TRIP11: variants seen among roughly 807,000 people sequenced by gnomAD.
TRIP11 encodes the protein thyroid receptor-interacting protein 11.
TRIP11 carries 148 observed loss-of-function variants against 223.1 expected under a neutral mutation model. The observed-to-expected ratio is 0.66, with a 90% CI of 0.58 to 0.76. The LOEUF (loss-of-function observed/expected upper bound fraction) is 0.76, where lower values mean the gene tolerates loss of function less well. TRIP11 is among the 30% of genes least tolerant of loss of function. The pLI, the probability that TRIP11 is intolerant of heterozygous loss-of-function variation, is 0.00. For missense variants in TRIP11, 2,043 were observed against 2,222.0 expected, an observed-to-expected ratio of 0.92 and a Z score of 1.62; for synonymous variants, 762 against 772.6, an observed-to-expected ratio of 0.99 and a Z score of 0.23.
At chr14:92,019,971 A>T (rs943208178) in intron 4 of TRIP11, among the ~76,000 whole-genome samples, 1 of 152,192 alleles carries the variant, frequency 6.6e-6, no homozygotes, top group Admixed American at 6.5e-5. Flanking sequence ...TTATGAAAAT[A>T]TTCCAAAATC....
chr14:92,006,153 T>A lies in TRIP11; in HGVS notation c.1823A>T (p.Glu608Val). ...ATTTTGTCTAATATGCTCCTTAAGT[T>A]CTAAATTCTCCTTCTGGATGCTTAC... Reference protein sequence around the residue: ...SNVSIQKENLELKEHIRQNEE... With the variant: ...SNVSIQKENLVLKEHIRQNEE... Residue 608 changes from glutamate (E) to valine (V), a missense_variant, in exon 11 of 21, where the codon GAA becomes GTA. Physicochemically the swap from Glu to Val is moderately radical, Grantham distance 121. Transcript: ENST00000267622. The A allele has an allele frequency of 6.2e-7, 1 of 1,613,130 alleles. No homozygotes were observed.
At chr14:91,974,337 A>T (rs1177490391) in intron 19 of TRIP11, among the ~76,000 whole-genome samples, 8 of 152,202 alleles carry the variant, frequency 5.3e-5, no homozygotes, top group African/African-American at 1.4e-4. Flanking sequence ...TGCTACTATA[A>T]TTTAGTAGCA....
chr14:92,039,396 G>A, intron 1 of TRIP11, 151 bp downstream of exon 1: 1 of 776,046 alleles, frequency 1.3e-6, no homozygotes. Context: ...AAAATCTGTT[G>A]AGAAGAGGCA....
In TRIP11 at chr14:92,014,236, T is replaced by TA; in HGVS notation, c.1164_1165insT (p.Arg389Ter). 6.2e-7 allele frequency: 1 copy of TA among 1,614,078 alleles called. No individual in the cohort carries two copies. The highest frequency in any genetic ancestry group is 8.5e-7 in the Non-Finnish European group (1 of 1,179,994). ...ATACCAGACAGTGCTTGTTGTAGTC[T>TA]GAACACTTCTTCCACTGATGCACTC... On this transcript the variant is annotated frameshift_variant, in exon 7 of 21. Transcript: ENST00000267622. LOFTEE classifies it high-confidence loss of function.
intron 11 of TRIP11, among the ~76,000 whole-genome samples, chr14:92,001,376 G>GTT (rs34072505): frequency 2.6e-3 from 350 of 135,220 alleles, no homozygotes; most frequent in Admixed American, 4.4e-3. Context: ...TAGTTTTTCA[G>GTT]TTTTTTTTTT....
In TRIP11 at chr14:92,037,662, T is replaced by C. The variant is rs547868061; in HGVS notation, c.139+1885A>G. On this transcript the variant is annotated intron_variant, in intron 1 of 20. Transcript: ENST00000267622. This position sits in a 1 kb window ranked among gnomAD's most constrained non-coding sequence, Gnocchi z 4.2. ...GCCAAGGCAGGAGGATCACCTGCGG[T>C]CTCAGGAGTTCGAGATCAGCCTGGC... Among the ~76,000 whole-genome samples the C allele has an allele frequency of 1.8e-4, 28 of 152,192 alleles. No individual in the cohort carries two copies. Among genetic ancestry groups the C allele is most frequent in the African/African-American group, 6.5e-4 (27 of 41,514 alleles).
Position 92,021,864 on chromosome 14 carries a change from T to C in TRIP11, c.313-33A>G, listed in dbSNP as rs781337606. The C allele has an allele frequency of 3.1e-6, 5 of 1,605,906 alleles. No individual in the cohort carries two copies. The South Asian group carries it at 3.3e-5, about 11-fold the overall frequency. On this transcript the variant is annotated intron_variant, in intron 3 of 20. Coordinates refer to ENST00000267622, the MANE Select transcript of TRIP11 (RefSeq NM_004239.4). ...TTTATAATCCAAGTTTTAGAGAAGGTACTTTAAAACAATCATATTGACTTT... is the reference window on the plus strand; with the variant it reads ...TTTATAATCCAAGTTTTAGAGAAGGCACTTTAAAACAATCATATTGACTTT...
In TRIP11 at chr14:92,014,097, A is replaced by G. The variant is rs902383057; in HGVS notation, c.1186+118T>C. ...ACACAATTCTACCCAAATGACACAC[A>G]GTCATTTCCAGGAATATGCCATTTC... On this transcript the variant is annotated intron_variant, in intron 7 of 20. Transcript: ENST00000267622. The G allele has an allele frequency of 5.0e-5, 68 of 1,358,200 alleles. No homozygotes were observed. In the Middle Eastern group the frequency reaches 7.2e-4, roughly 14 times the overall value. The allele number at this position is 1,358,200 out of a possible 1,614,324, so 84.1% of individuals were successfully genotyped here. A position where few individuals can be genotyped will look rare whatever the true frequency, so the allele number is the denominator to read the frequency against.
At chr14:91,982,335 G>T (rs1595370316) in intron 16 of TRIP11, among the ~76,000 whole-genome samples, 1 of 152,076 alleles carries the variant, frequency 6.6e-6, no homozygotes, top group African/African-American at 2.4e-5. Flanking sequence ...TACTCCTCTG[G>T]CATGTGAGAC....
Position 92,005,684 on chromosome 14 carries a change from T to C in TRIP11, c.2292A>G (p.Leu764=), listed in dbSNP as rs766257501. Reference sequence around the variant, plus strand: ...TGTCTTTCTTTTGATTGAGTTTAATTAAATGCTCATGTTCCAGCTGTAAGG... The same window carrying C: ...TGTCTTTCTTTTGATTGAGTTTAATCAAATGCTCATGTTCCAGCTGTAAGG... ...TSALQLEHEH[L]IKLNQKKDME... The change falls in exon 11 of 21, where the codon TTA becomes TTG. Residue 764 remains leucine, a synonymous_variant. Coordinates refer to ENST00000267622, the MANE Select transcript of TRIP11 (RefSeq NM_004239.4). 6.2e-7 allele frequency: 1 copy of C among 1,613,778 alleles called. No homozygotes were observed. Among genetic ancestry groups the C allele is most frequent in the Non-Finnish European group, 8.5e-7 (1 of 1,180,024 alleles).
At chr14:91,981,598 GGCCAA>G (rs1445412259) in intron 16 of TRIP11, among the ~76,000 whole-genome samples, 1 of 151,880 alleles carries the variant, frequency 6.6e-6, no homozygotes, top group African/African-American at 2.4e-5. Flanking sequence ...TCACCATGTT[GGCCAA>G]GCTGGTCTCC....
chr14:91,976,159 A>C lies in TRIP11; in HGVS notation c.5291T>G (p.Val1764Gly), dbSNP rs545768877. The C allele has an allele frequency of 6.2e-7, 1 of 1,612,518 alleles. No individual in the cohort carries two copies. The highest frequency in any genetic ancestry group is 2.2e-5 in the East Asian group (1 of 44,780). The change falls in exon 17 of 21, where the codon GTA becomes GGA. Residue 1764 changes from valine (V) to glycine (G), a missense_variant. Physicochemically the swap from Val to Gly is moderately radical, Grantham distance 109 (BLOSUM62 -3). Transcript: ENST00000267622. ...TGCTAAGCTCATCAATTTCTTTTGT[A>C]CATCATCCAGCATTTCTTGTCGGAG... ...NELRQEMLDD[V>G]QKKLMSLANS... is the part of the protein sequence containing the mutation.
At chr14:91,977,241 G>C (rs1340618820) in intron 16 of TRIP11, 10 of 453,904 alleles carry the variant, frequency 2.2e-5, no homozygotes, top group South Asian at 1.6e-4. Context: ...TCACTTTCTT[G>C]ATGATATCTT....
rs867366579 is a variant in TRIP11 at position 91,969,016 on chromosome 14, G to A, written c.*657C>T. On this transcript the variant is annotated 3_prime_UTR_variant, in exon 21 of 21. Coordinates refer to ENST00000267622, the MANE Select transcript of TRIP11 (RefSeq NM_004239.4). ...AATCCCAGCACTTTGGGAGGCTGAG[G>A]TGGGAGGATCACTTGAGCCCAGGAG... The A allele has an allele frequency of 5.0e-5, 11 of 221,940 alleles. No homozygotes were observed. The highest frequency in any genetic ancestry group is 1.4e-3 in the Middle Eastern group (1 of 718). 13.7% of individuals were successfully genotyped at this position (221,940 alleles called of 1,614,324 possible).
chr14:91,999,760 T>G (rs1243655850), intron 12 of TRIP11, among the ~76,000 whole-genome samples: 1 of 152,150 alleles, frequency 6.6e-6, no homozygotes, highest in Non-Finnish European at 1.5e-5. Flanking sequence ...GCAATTTTTC[T>G]TATATCCGAG....
At chr14:91,998,801 A>ACTGACC (rs936338846) in intron 13 of TRIP11, among the ~76,000 whole-genome samples, 1 of 152,102 alleles carries the variant, frequency 6.6e-6, no homozygotes, top group African/African-American at 2.4e-5. Flanking sequence ...AATTCTTCAT[A>ACTGACC]CTGACCTTGG....
intron 20 of TRIP11, among the ~76,000 whole-genome samples, chr14:91,970,111 C>G (rs1203815396): frequency 1.3e-5 from 2 of 152,062 alleles, no homozygotes; most frequent in Non-Finnish European, 2.9e-5. Context: ...GGTCTTTATT[C>G]AAAATGAAAA....
At chr14:91,985,735 T>C (rs139190301) in intron 16 of TRIP11, among the ~76,000 whole-genome samples, 7 of 152,310 alleles carry the variant, frequency 4.6e-5, no homozygotes, top group African/African-American at 1.7e-4. Flanking sequence ...TCCTGGCAAA[T>C]ATTTTTGCTG....
intron 2 of TRIP11, chr14:92,026,767 G>A (rs1795673337): frequency 1.7e-6 from 2 of 1,173,802 alleles, no homozygotes; most frequent in Non-Finnish European, 2.5e-6. Flanking sequence ...AGGTGAGGGT[G>A]AGGAAGAAGG....
Sources: gnomAD v4.1 joint callset for allele counts (sites outside exome capture counted in the v4.1 genomes callset) on GRCh38, gnomAD v4.1.1 for gene constraint, Gnocchi (gnomAD v3.1) non-coding constraint, MANE v1.5 for transcripts, NCBI Gene and HGNC (gene_info 2026-07-23, HGNC 2026-07-21) for gene names.